Variants in TSHR observed in about 807,000 individuals in gnomAD.
TSHR encodes the protein thyrotropin receptor.
Under a neutral mutation model 64.1 loss-of-function variants are expected in TSHR, and 51 were observed. The ratio of observed to expected loss-of-function variants is 0.80; its 90% CI spans 0.64 to 1.01. The LOEUF (loss-of-function observed/expected upper bound fraction) is 1.01, where lower values mean the gene tolerates loss of function less well. Among genes scored for constraint, TSHR ranks in the 50% least tolerant of loss-of-function variants. TSHR has a pLI of 0.00. For synonymous variants in TSHR, 361 were observed against 361.9 expected (o/e 1.00, Z 0.03); for missense variants, 877 against 942.8 (o/e 0.93, Z 0.91).
At chr14:80,956,297 C>T (rs1886680437) in intron 1 of TSHR, among the ~76,000 whole-genome samples, 1 of 152,182 alleles carries the variant, frequency 6.6e-6, no homozygotes, top group Non-Finnish European at 1.5e-5. Flanking sequence ...CTTAGCAGTT[C>T]TGCTGATTCA....
At position 80,962,692 on chromosome 14, in the gene TSHR, A is replaced by C. The variant is rs374971888; in HGVS notation, c.170+6842A>C. 6.9e-4 allele frequency among the ~76,000 whole-genome samples: 105 copies of C among 152,352 alleles called. 2 individuals are homozygous for C. In the South Asian group the frequency reaches 0.021, roughly 31 times the overall value. ...TTAAAGGGTAGCCCACCAACTAGACATATTTATAAATTAGGAATATCAGAG... is the reference window on the plus strand; with the variant it reads ...TTAAAGGGTAGCCCACCAACTAGACCTATTTATAAATTAGGAATATCAGAG... On this transcript the variant is annotated intron_variant, in intron 1 of 9. Coordinates refer to ENST00000298171, the MANE Select transcript of TSHR (RefSeq NM_000369.5).
intron 1 of TSHR, among the ~76,000 whole-genome samples, chr14:80,991,134 AT>A (rs1355004059): frequency 1.3e-5 from 2 of 152,236 alleles, no homozygotes; most frequent in East Asian, 3.8e-4. Flanking sequence ...ATGATTCTAC[AT>A]TAAAAGAACT....
intron 4 of TSHR, 81 bp downstream of exon 4, chr14:81,088,109 C>T: frequency 8.8e-7 from 1 of 1,136,106 alleles, no homozygotes; most frequent in Non-Finnish European, 1.3e-6. Context: ...AGGAATCTCC[C>T]TAGATGATGT....
chr14:81,111,606 G>A (rs553922786), intron 8 of TSHR, among the ~76,000 whole-genome samples: 6 of 152,156 alleles, frequency 3.9e-5, no homozygotes, highest in South Asian at 2.1e-4. Flanking sequence ...CATCCATATC[G>A]AACCTCTTAG....
intron 1 of TSHR, among the ~76,000 whole-genome samples, chr14:80,967,447 G>A (rs1887379863): frequency 6.6e-6 from 1 of 151,836 alleles, no homozygotes; most frequent in African/African-American, 2.4e-5. Flanking sequence ...ACCATACCTG[G>A]ATTATTTTTG....
At chr14:81,081,413 T>C (rs1386684728) in intron 3 of TSHR, among the ~76,000 whole-genome samples, 4 of 152,104 alleles carry the variant, frequency 2.6e-5, no homozygotes, top group African/African-American at 9.7e-5. Context: ...GAGTGAAGTA[T>C]GGGGGAGGGG....
intron 1 of TSHR, among the ~76,000 whole-genome samples, chr14:81,025,848 T>C (rs1385995897): frequency 6.6e-6 from 1 of 152,128 alleles, no homozygotes; most frequent in African/African-American, 2.4e-5. Flanking sequence ...AACCATAATA[T>C]ATATGAAGAA....
chr14:81,049,177 T>A (rs2139863158), intron 1 of TSHR, among the ~76,000 whole-genome samples: 1 of 152,304 alleles, frequency 6.6e-6, no homozygotes, highest in South Asian at 2.1e-4. Flanking sequence ...AAAAAAAATG[T>A]TTGGCTCCCA....
chr14:81,130,297 C>T (rs1207975196), intron 8 of TSHR, among the ~76,000 whole-genome samples: 2 of 152,160 alleles, frequency 1.3e-5, no homozygotes, highest in Non-Finnish European at 2.9e-5. Context: ...TTTTCACTTC[C>T]CACCATGCCA....
chr14:80,980,486 T>C (rs765999545), intron 1 of TSHR, among the ~76,000 whole-genome samples: 3 of 152,252 alleles, frequency 2.0e-5, no homozygotes, highest in Non-Finnish European at 4.4e-5. Flanking sequence ...GTACCCTCTC[T>C]TGCTGTTAAG....
chr14:81,146,055 C>T lies in TSHR; in HGVS notation c.*1702C>T, dbSNP rs563242543. ...ATCTTAATAGAAATATTATAAACAT[C>T]GAAAATCATGACTTACCTAGAAGTT... is the stretch of plus-strand genomic sequence containing the variant. On this transcript the variant is annotated 3_prime_UTR_variant, in exon 10 of 10. Transcript: ENST00000298171. The T allele has an allele frequency of 4.3e-6, 1 of 230,546 alleles. No individual in the cohort carries two copies. Among genetic ancestry groups the T allele is most frequent in the African/African-American group, 2.2e-5 (1 of 45,308 alleles). The allele number at this position is 230,546 out of a possible 1,614,324, so 14.3% of individuals were successfully genotyped here. A position where few individuals can be genotyped will look rare whatever the true frequency, so the allele number is the denominator to read the frequency against.
At position 81,113,282 on chromosome 14, in the gene TSHR, G is replaced by A. The variant is rs75465968; in HGVS notation, c.692+4830G>A. On this transcript the variant is annotated intron_variant, in intron 8 of 9. Transcript: ENST00000298171. ...TGCTGATGGATCGGATATAGCAGATGATGAGAGAAACGAAGGAATCAAGGA... is the reference window on the plus strand; with the variant it reads ...TGCTGATGGATCGGATATAGCAGATAATGAGAGAAACGAAGGAATCAAGGA... Among the ~76,000 whole-genome samples the A allele has an allele frequency of 1.1e-4, 17 of 152,340 alleles. No homozygotes were observed. In the East Asian group the frequency reaches 3.3e-3, roughly 29 times the overall value.
intron 1 of TSHR, among the ~76,000 whole-genome samples, chr14:81,024,482 C>T (rs1432634309): frequency 6.6e-6 from 1 of 152,088 alleles, no homozygotes; most frequent in African/African-American, 2.4e-5. Flanking sequence ...CTCCTGACCT[C>T]ATGATCTGCC....
rs763679435 is a variant in TSHR, at chr14:81,143,883, C to T, written c.1825C>T (p.Arg609Ter). ...TTATGTGAAGATCTACATCACAGTC[C>T]GAAATCCGCAGTACAACCCAGGGGA... The part of the protein sequence containing the change: ...CCYVKIYITV[R>*]NPQYNPGDKD... The change falls in exon 10 of 10, where the codon CGA (arginine) becomes TGA (stop). Residue 609 changes from arginine (R) to a stop codon, truncating the protein, a stop_gained. Transcript: ENST00000298171. LOFTEE classifies it high-confidence loss of function. 12 of 1,613,916 alleles carry T rather than the reference C, an allele frequency of 7.4e-6. No individual in the cohort carries two copies. Among genetic ancestry groups the T allele is most frequent in the Admixed American group, 1.7e-5 (1 of 59,970 alleles).
intron 1 of TSHR, among the ~76,000 whole-genome samples, chr14:81,002,668 G>C (rs1468642472): frequency 6.6e-6 from 1 of 151,696 alleles, no homozygotes; most frequent in Non-Finnish European, 1.5e-5. Context: ...GCCATAAACA[G>C]AAAACCATTT....
At chr14:80,955,958 G>A (rs1594884643) in intron 1 of TSHR, 108 bp downstream of exon 1, 2 of 1,297,794 alleles carry the variant, frequency 1.5e-6, no homozygotes, top group East Asian at 4.7e-5. Flanking sequence ...TAGTGTGTGA[G>A]TGTGTGTATG....
At chr14:81,071,678 T>C (rs1887081018) in intron 3 of TSHR, among the ~76,000 whole-genome samples, 1 of 152,136 alleles carries the variant, frequency 6.6e-6, no homozygotes, top group African/African-American at 2.4e-5. Flanking sequence ...AGAGGATTAA[T>C]TAAGCCCAGG....
intron 7 of TSHR, among the ~76,000 whole-genome samples, chr14:81,105,553 C>A (rs1177156948): frequency 6.6e-6 from 1 of 152,220 alleles, no homozygotes; most frequent in African/African-American, 2.4e-5. Flanking sequence ...TCTGCATCCT[C>A]CTCCTCCCCT....
chr14:81,037,420 AAAACAAAC>A lies in TSHR; in HGVS notation c.171-24708_171-24701del, dbSNP rs370208073. On this transcript the variant is annotated intron_variant, in intron 1 of 9. Coordinates refer to ENST00000298171, the MANE Select transcript of TSHR (RefSeq NM_000369.5). Reference sequence around the variant, plus strand: ...AGGGAAAAAGGAACAAAGGAAATACAAAACAAACAAACAAACAAACAAACAAAAAACAG... The same window carrying A: ...AGGGAAAAAGGAACAAAGGAAATACAAAACAAACAAACAAACAAAAAACAG... Among the ~76,000 whole-genome samples, 115 of 140,792 alleles carry A rather than the reference AAAACAAAC, an allele frequency of 8.2e-4. 4 individuals are homozygous for A. The highest frequency in any genetic ancestry group is 2.8e-3 in the African/African-American group (101 of 36,684). 92.4% of individuals were successfully genotyped at this position (140,792 alleles called of 152,430 possible). A position where few individuals can be genotyped will look rare whatever the true frequency, so the allele number is the denominator to read the frequency against.
Sources: gnomAD v4.1 joint callset for allele counts (sites outside exome capture counted in the v4.1 genomes callset) on GRCh38, gnomAD v4.1.1 for gene constraint, MANE v1.5 for transcripts, NCBI Gene and HGNC (gene_info 2026-07-23, HGNC 2026-07-21) for gene names.